Variants in XKR5 observed in about 807,000 individuals in gnomAD.
The protein encoded by XKR5 is XK related 5.
In XKR5, 46 loss-of-function variants were observed where a neutral mutation model predicts 40.8. The ratio of observed to expected loss-of-function variants is 1.13; its 90% CI spans 0.89 to 1.44. The LOEUF (loss-of-function observed/expected upper bound fraction) is 1.44. XKR5 is among the 40% of genes most tolerant of loss of function. XKR5 has a pLI of 0.00. For synonymous variants in XKR5, 466 were observed against 356.1 expected, an observed-to-expected ratio of 1.31 and a Z score of -3.48; for missense variants, 1,169 against 844.7, an observed-to-expected ratio of 1.38 and a Z score of -4.76.
intron 5 of XKR5, among the ~76,000 whole-genome samples, chr8:6,818,242 G>T (rs533423118): frequency 2.6e-5 from 4 of 152,272 alleles, no homozygotes; most frequent in African/African-American, 9.6e-5. Context: ...TGCCTGAAAC[G>T]TTCTAGCGCC....
At position 6,811,164 on chromosome 8, in the gene XKR5, G is replaced by T. The variant is rs1803658451; in HGVS notation, c.*34C>A. 8 of 1,501,454 alleles carry T rather than the reference G, an allele frequency of 5.3e-6. No homozygotes were observed. Among genetic ancestry groups the T allele is most frequent in the South Asian group, 3.8e-5 (3 of 79,016 alleles). The allele number at this position is 1,501,454 out of a possible 1,614,324, so 93.0% of individuals were successfully genotyped here. ...CGGTACCAAATGGCCAGCTTGGTTT[G>T]TCAGCCTGTTGTCTTATCCCACCAT... On this transcript the variant is annotated 3_prime_UTR_variant, in exon 7 of 7. Coordinates refer to ENST00000618742, the MANE Select transcript of XKR5 (RefSeq NM_207411.5).
At position 6,825,456 on chromosome 8, in the gene XKR5, C is replaced by T; in HGVS notation, c.243-107G>A. Reference sequence around the variant, plus strand: ...TACATGCTAAGCAATATCCTATGCCCTTACTAGTCACCTAGAGTTACTAGT... The same window carrying T: ...TACATGCTAAGCAATATCCTATGCCTTTACTAGTCACCTAGAGTTACTAGT... On this transcript the variant is annotated intron_variant, in intron 2 of 6. Coordinates refer to ENST00000618742, the MANE Select transcript of XKR5 (RefSeq NM_207411.5). 3 of 1,134,182 alleles carry T rather than the reference C, an allele frequency of 2.6e-6. No homozygotes were observed. The South Asian group carries it at 5.9e-5, about 22-fold the overall frequency. The allele number at this position is 1,134,182 out of a possible 1,614,324, so 70.3% of individuals were successfully genotyped here. A position where few individuals can be genotyped will look rare whatever the true frequency, so the allele number is the denominator to read the frequency against.
At chr8:6,812,482 C>G in intron 6 of XKR5, 143 bp from the exon 7 acceptor site, 1 of 820,634 alleles carries the variant, frequency 1.2e-6, no homozygotes, top group Non-Finnish European at 1.8e-6. Context: ...AGCCTCAGAA[C>G]TGGATATTTC....
At position 6,821,888 on chromosome 8, in the gene XKR5, C is replaced by G. The variant is rs780227788; in HGVS notation, c.788G>C (p.Arg263Thr). Residue 263 changes from arginine (R) to threonine (T), a missense_variant, in exon 5 of 7, where the codon AGG (arginine) becomes ACG (threonine). Coordinates refer to ENST00000618742, the MANE Select transcript of XKR5 (RefSeq NM_207411.5). ...ACTTGCCATGTAGAACGTGACCATC[C>G]TATTTCTAGAAGGGCTGTCCCAGAA... ...LSFWDSPSRN[R>T]MVTFYMVMLL... 14 of 1,613,288 alleles carry G rather than the reference C, an allele frequency of 8.7e-6. No individual in the cohort carries two copies. The highest frequency in any genetic ancestry group is 5.5e-5 in the South Asian group (5 of 90,932).
chr8:6,819,566 G>T, intron 5 of XKR5, among the ~76,000 whole-genome samples: 1 of 152,318 alleles, frequency 6.6e-6, no homozygotes, highest in East Asian at 1.9e-4. Context: ...ACGGAGCCAG[G>T]GCTGCCCAGC....
chr8:6,822,682 T>G (rs1352285000), intron 4 of XKR5, among the ~76,000 whole-genome samples: 1 of 152,176 alleles, frequency 6.6e-6, no homozygotes, highest in Admixed American at 6.5e-5. Flanking sequence ...TCTTGCAGAG[T>G]ATATTCACTG....
At chr8:6,835,184 A>AG (rs576468146) in intron 1 of XKR5, among the ~76,000 whole-genome samples, 3 of 82,172 alleles carry the variant, frequency 3.7e-5, no homozygotes, top group African/African-American at 8.8e-5. Context: ...ACCAGTCGGG[A>AG]GGGGGGGGAA....
At position 6,811,980 on chromosome 8, in the gene XKR5, T is replaced by TA; in HGVS notation, c.1278dup (p.Asn427Ter). On this transcript the variant is annotated frameshift_variant, in exon 7 of 7. Coordinates refer to ENST00000618742, the MANE Select transcript of XKR5 (RefSeq NM_207411.5). LOFTEE classifies it low-confidence loss of function (END_TRUNC). ...GCAGGTGGACAATAGGCAGGACTGT[T>TA]ATCTCCAAAGGCGGCATTGATCTTA... The TA allele has an allele frequency of 6.5e-7, 1 of 1,537,308 alleles. No individual in the cohort carries two copies. The highest frequency in any genetic ancestry group is 8.7e-7 in the Non-Finnish European group (1 of 1,146,932).
At chr8:6,825,467 C>T (rs1804423006) in intron 2 of XKR5, 118 bp from the exon 3 acceptor site, 1 of 962,270 alleles carries the variant, frequency 1.0e-6, no homozygotes. Context: ...TTACTAGTCA[C>T]CTAGAGTTAC....
chr8:6,831,775 G>T (rs1804775140), intron 2 of XKR5, among the ~76,000 whole-genome samples: 1 of 152,132 alleles, frequency 6.6e-6, no homozygotes, highest in Non-Finnish European at 1.5e-5. Context: ...CAGCACTTTG[G>T]GAGGCCAAGG....
intron 2 of XKR5, among the ~76,000 whole-genome samples, chr8:6,827,873 C>G (rs574697492): frequency 6.6e-5 from 10 of 152,044 alleles, no homozygotes; most frequent in Admixed American, 3.9e-4. Flanking sequence ...TGAGACCAGC[C>G]CTGGCAACAT....
At chr8:6,829,470 G>C (rs919854266) in intron 2 of XKR5, among the ~76,000 whole-genome samples, 56 of 152,220 alleles carry the variant, frequency 3.7e-4, no homozygotes, top group African/African-American at 1.3e-3. Flanking sequence ...TGTATTATTG[G>C]GAACGTTAAA....
Position 6,821,913 on chromosome 8 carries a change from A to G in XKR5, c.763T>C (p.Phe255Leu). 6.2e-7 allele frequency: 1 copy of G among 1,613,514 alleles called. No individual in the cohort carries two copies. The highest frequency in any genetic ancestry group is 8.5e-7 in the Non-Finnish European group (1 of 1,179,700). ...GAVYILCYLS[F>L]WDSPSRNRMV... is the part of the protein sequence containing the mutation. ...CTATTTCTAGAAGGGCTGTCCCAGA[A>G]GCTGAGGTAGCAGAGGATGTACACG... Residue 255 changes from phenylalanine (F) to leucine (L), a missense_variant, in exon 5 of 7, where the codon TTC becomes CTC. Coordinates refer to ENST00000618742, the MANE Select transcript of XKR5 (RefSeq NM_207411.5).
chr8:6,831,669 A>T (rs1185822829), intron 2 of XKR5, among the ~76,000 whole-genome samples: 4 of 151,986 alleles, frequency 2.6e-5, no homozygotes, highest in Non-Finnish European at 5.9e-5. Flanking sequence ...GATTTAATGA[A>T]CACTTGAGCT....
intron 5 of XKR5, among the ~76,000 whole-genome samples, chr8:6,818,562 A>G (rs1216324914): frequency 6.6e-6 from 1 of 152,256 alleles, no homozygotes; most frequent in Non-Finnish European, 1.5e-5. Context: ...TTCAGAAGTG[A>G]TCAACAGGCA....
In XKR5 at chr8:6,835,485, C is replaced by G; in HGVS notation, c.9G>C (p.Ala3=). 1 of 1,502,708 alleles carries G rather than the reference C, an allele frequency of 6.7e-7. No homozygotes were observed. Among genetic ancestry groups the G allele is most frequent in the Non-Finnish European group, 8.8e-7 (1 of 1,133,156 alleles). 93.1% of individuals were successfully genotyped at this position (1,502,708 alleles called of 1,614,324 possible). MH[A]RLLGLSALLQ... is the part of the protein sequence containing the mutation. Reference sequence around the variant, plus strand: ...GCAGGGCCGAGAGCCCCAGGAGCCTCGCGTGCATCTTCCGTGCCGACCCCG... The same window carrying G: ...GCAGGGCCGAGAGCCCCAGGAGCCTGGCGTGCATCTTCCGTGCCGACCCCG... The change falls in exon 1 of 7, where the codon GCG becomes GCC. Residue 3 remains alanine (A), a synonymous_variant. Coordinates refer to ENST00000618742, the MANE Select transcript of XKR5 (RefSeq NM_207411.5).
rs773572510 is a variant in XKR5 at position 6,822,073 on chromosome 8, T to C, written c.638-35A>G. On this transcript the variant is annotated intron_variant, in intron 4 of 6. Transcript: ENST00000618742. Reference sequence around the variant, plus strand: ...AGCCGGGTGCAGACGTCAGGGTCCATGCAAGGAGATGGGGGGACAGGCAAG... The same window carrying C: ...AGCCGGGTGCAGACGTCAGGGTCCACGCAAGGAGATGGGGGGACAGGCAAG... The C allele has an allele frequency of 2.6e-6, 4 of 1,566,870 alleles. No individual in the cohort carries two copies. The African/African-American group carries it at 4.1e-5, about 16-fold the overall frequency.
chr8:6,817,051 G>A (rs1803991064), intron 5 of XKR5, among the ~76,000 whole-genome samples: 1 of 152,036 alleles, frequency 6.6e-6, no homozygotes, highest in African/African-American at 2.4e-5. Flanking sequence ...GTGTGGTTCT[G>A]GTGGTTCAGA....
Position 6,811,021 on chromosome 8 carries a change from T to G in XKR5, c.*177A>C. 1 of 651,746 alleles carries G rather than the reference T, an allele frequency of 1.5e-6. No homozygotes were observed. Among genetic ancestry groups the G allele is most frequent in the Non-Finnish European group, 2.6e-6 (1 of 389,540 alleles). 40.4% of individuals were successfully genotyped at this position (651,746 alleles called of 1,614,324 possible). A position where few individuals can be genotyped will look rare whatever the true frequency, so the allele number is the denominator to read the frequency against. Reference sequence around the variant, plus strand: ...TGGGTGGGGTCTGTGATGTTTGCATTGGACCTGCAAAATCATCCAGCCCTG... The same window carrying G: ...TGGGTGGGGTCTGTGATGTTTGCATGGGACCTGCAAAATCATCCAGCCCTG... On this transcript the variant is annotated 3_prime_UTR_variant, in exon 7 of 7. Transcript: ENST00000618742.
Sources: allele counts gnomAD v4.1 joint callset (sites outside exome capture counted in the v4.1 genomes callset), GRCh38; gene constraint gnomAD v4.1.1; transcripts MANE v1.5; gene names NCBI Gene and HGNC (gene_info 2026-07-23, HGNC 2026-07-21).